The following DPF3 variants were observed in gnomAD, a reference collection of about 807,000 sequenced individuals.
DPF3 encodes double PHD fingers 3, also known as zinc finger protein DPF3.
A neutral mutation model predicts 56.8 loss-of-function variants in DPF3; 18 were observed. The ratio of observed to expected loss-of-function variants is 0.32; its 90% CI spans 0.22 to 0.47. The LOEUF (loss-of-function observed/expected upper bound fraction) is 0.47. Ranked by LOEUF, DPF3 falls within the 20% of genes least tolerant of loss-of-function variation. DPF3 has a pLI of 1.00. For synonymous variants in DPF3, 188 were observed against 180.2 expected (o/e 1.04, Z -0.35); for missense variants, 403 against 488.8 (o/e 0.82, Z 1.65).
chr14:72,688,190 ATGGGTGGG>A (rs1213104678), intron 7 of DPF3, among the ~76,000 whole-genome samples: 1 of 38,776 alleles, frequency 2.6e-5, no homozygotes, highest in Non-Finnish European at 5.3e-5. Context: ...GGATGGATGG[ATGGGTGGG>A]TGGGTGGGTG....
At chr14:72,864,914 C>A (rs1359915392) in intron 1 of DPF3, among the ~76,000 whole-genome samples, 3 of 152,156 alleles carry the variant, frequency 2.0e-5, no homozygotes. Context: ...CAGAGACATA[C>A]CCAAGGTTAA....
At chr14:72,655,275 T>C (rs1183247294) in intron 8 of DPF3, among the ~76,000 whole-genome samples, 2 of 152,158 alleles carry the variant, frequency 1.3e-5, no homozygotes, top group Non-Finnish European at 2.9e-5. Flanking sequence ...GTCATTTATC[T>C]ATATATGTAA....
At chr14:72,886,214 A>C (rs1599526715) in intron 1 of DPF3, among the ~76,000 whole-genome samples, 1 of 152,294 alleles carries the variant, frequency 6.6e-6, no homozygotes, top group Non-Finnish European at 1.5e-5. Flanking sequence ...TCTACTAAAA[A>C]TACAAAAATT....
intron 1 of DPF3, among the ~76,000 whole-genome samples, chr14:72,860,680 C>T (rs1013074462): frequency 6.6e-6 from 1 of 152,014 alleles, no homozygotes; most frequent in African/African-American, 2.4e-5. Context: ...ATTCTCCTGC[C>T]TCAGCCTCCC....
chr14:72,645,500 A>G (rs1567188075), intron 8 of DPF3, among the ~76,000 whole-genome samples: 1 of 151,984 alleles, frequency 6.6e-6, no homozygotes, highest in Non-Finnish European at 1.5e-5. Context: ...TTTAAATTTT[A>G]TATAGAGATG....
At chr14:72,770,509 G>GTT (rs1891478673) in intron 2 of DPF3, among the ~76,000 whole-genome samples, 2 of 152,084 alleles carry the variant, frequency 1.3e-5, no homozygotes, top group African/African-American at 2.4e-5. Context: ...GTGATTGTGA[G>GTT]TGTGTTTGTT....
At chr14:72,673,570 C>A (rs1306181071) in intron 8 of DPF3, among the ~76,000 whole-genome samples, 1 of 152,204 alleles carries the variant, frequency 6.6e-6, no homozygotes, top group East Asian at 1.9e-4. Flanking sequence ...AATGAAGGAA[C>A]AAGACCAAAA....
chr14:72,736,289 C>T (rs1889891921), intron 3 of DPF3, among the ~76,000 whole-genome samples: 1 of 152,078 alleles, frequency 6.6e-6, no homozygotes. Flanking sequence ...GGGTATTTTC[C>T]ATTTAGAGCG....
At chr14:72,664,086 C>T (rs1350533998) in intron 8 of DPF3, among the ~76,000 whole-genome samples, 1 of 152,166 alleles carries the variant, frequency 6.6e-6, no homozygotes, top group East Asian at 1.9e-4. Context: ...GCTGTCACCA[C>T]CTGCCTCTAG....
At chr14:72,635,215 T>A (rs1885351973) in intron 8 of DPF3, among the ~76,000 whole-genome samples, 1 of 152,062 alleles carries the variant, frequency 6.6e-6, no homozygotes, top group Non-Finnish European at 1.5e-5. Context: ...TTTCAGCAGA[T>A]GGAGGGAAAG....
chr14:72,741,732 G>C (rs1890131280), intron 3 of DPF3, among the ~76,000 whole-genome samples: 1 of 152,244 alleles, frequency 6.6e-6, no homozygotes, highest in Non-Finnish European at 1.5e-5. Context: ...TAGGGATACA[G>C]ATGAAGAAAC....
chr14:72,884,972 T>TATATATATATATATATATATATG (rs1886481595), intron 1 of DPF3, among the ~76,000 whole-genome samples: 1 of 14,810 alleles, frequency 6.8e-5, no homozygotes, highest in African/African-American at 1.1e-4. Context: ...ATATATATAT[T>TATATATATATATATATATATATG]AGCCGGGCGT....
chr14:72,834,416 G>A (rs912599899), intron 1 of DPF3, among the ~76,000 whole-genome samples: 1 of 147,470 alleles, frequency 6.8e-6, no homozygotes, highest in African/African-American at 2.5e-5. Context: ...AGAATCACTT[G>A]AACCGGGGAG....
intron 1 of DPF3, among the ~76,000 whole-genome samples, chr14:72,803,459 C>CA (rs1001425106): frequency 2.0e-5 from 3 of 152,112 alleles, no homozygotes; most frequent in Non-Finnish European, 2.9e-5. Context: ...AATCTCACTA[C>CA]AAAAAAAGAG....
intron 8 of DPF3, among the ~76,000 whole-genome samples, chr14:72,654,638 A>T (rs1255013663): frequency 6.6e-6 from 1 of 152,134 alleles, no homozygotes; most frequent in East Asian, 1.9e-4. Flanking sequence ...TAAAATACGA[A>T]TTGTAATCTT....
In DPF3 at chr14:72,720,298, G is replaced by C. The variant is rs148162709; in HGVS notation, c.525+3335C>G. 5.7e-3 allele frequency among the ~76,000 whole-genome samples: 863 copies of C among 152,174 alleles called. 9 individuals are homozygous for C. Among genetic ancestry groups the C allele is most frequent in the African/African-American group, 0.02 (830 of 41,532 alleles). Reference sequence around the variant, plus strand: ...GCTTGAGGCCAGGAGTTCCAGATCAGCCTGAGCAACAGAGTGAGGCCCCCA... The same window carrying C: ...GCTTGAGGCCAGGAGTTCCAGATCACCCTGAGCAACAGAGTGAGGCCCCCA... On this transcript the variant is annotated intron_variant, in intron 5 of 10. Transcript: ENST00000556509.
At chr14:72,665,154 C>A (rs920624650) in intron 8 of DPF3, among the ~76,000 whole-genome samples, 2 of 135,422 alleles carry the variant, frequency 1.5e-5, no homozygotes, top group African/African-American at 7.4e-5. Flanking sequence ...CTACTGAGAT[C>A]CATGGCAAAA....
chr14:72,800,133 C>G (rs1377309787), intron 1 of DPF3, among the ~76,000 whole-genome samples: 3 of 152,146 alleles, frequency 2.0e-5, no homozygotes, highest in Admixed American at 1.3e-4. Context: ...GGGGCCCCAT[C>G]CAAATACCTC....
At chr14:72,636,709 G>C (rs1885393153) in intron 8 of DPF3, among the ~76,000 whole-genome samples, 1 of 152,196 alleles carries the variant, frequency 6.6e-6, no homozygotes, top group African/African-American at 2.4e-5. Context: ...CTTCTGCAAA[G>C]GTCTGCAGGT....
Sources: allele counts gnomAD v4.1 joint callset (sites outside exome capture counted in the v4.1 genomes callset), GRCh38; gene constraint gnomAD v4.1.1; transcripts MANE v1.5; gene names NCBI Gene and HGNC (gene_info 2026-07-23, HGNC 2026-07-21).